The following XKRX variants were observed in gnomAD, a reference collection of about 807,000 sequenced individuals.
XKRX encodes the protein XK related X-linked, also known as XK-related protein 2.
Under a neutral mutation model 22.4 loss-of-function variants are expected in XKRX, and 11 were observed. The observed-to-expected ratio is 0.49, with a 90% CI of 0.31 to 0.81. The LOEUF is 0.81. Ranked by LOEUF, XKRX falls within the 40% of genes least tolerant of loss-of-function variation. The pLI, the probability that XKRX is intolerant of heterozygous loss-of-function variation, is 0.05. For synonymous variants in XKRX, 114 were observed against 132.2 expected (o/e 0.86, Z 0.94); for missense variants, 320 against 336.5 (o/e 0.95, Z 0.38).
intron 2 of XKRX, among the ~76,000 whole-genome samples, chrX:100,917,666 AAAGAAAGAAAAG>A (rs1277039496): frequency 4.5e-4 from 15 of 33,477 alleles, no homozygotes; most frequent in South Asian, 3.5e-3. Context: ...AGAAAGAAAG[AAAGAAAGAAAAG>A]AAAGAAAGAA....
At chrX:100,888,296 C>A in the XKRX span, 1 of 702,323 alleles carries the variant, frequency 1.4e-6, no homozygotes, top group Admixed American at 2.2e-5. Context: ...TAAGTGGGCA[C>A]CTGATCTTTG....
At chrX:100,910,995 A>T, downstream of XKRX, 2 of 561,543 alleles carry the variant, frequency 3.6e-6, no homozygotes, top group Admixed American at 4.6e-5. Context: ...AGAGAGGCAC[A>T]ATCTCGAGCT....
At chrX:100,955,604 C>T in the XKRX span, among the ~76,000 whole-genome samples, 9 of 111,273 alleles carry the variant, frequency 8.1e-5, no homozygotes, top group South Asian at 3.8e-4. Context: ...ACCTGGGAGG[C>T]GGGGGTTGCA....
chrX:100,913,141 T>A (rs1210905118), downstream of XKRX, among the ~76,000 whole-genome samples: 1 of 107,379 alleles, frequency 9.3e-6, no homozygotes, highest in Admixed American at 1.0e-4. Flanking sequence ...GAGGCTGCAG[T>A]GAGCCAAGAT....
chrX:100,901,689 G>C, the XKRX span, among the ~76,000 whole-genome samples: 1 of 112,060 alleles, frequency 8.9e-6, no homozygotes, highest in South Asian at 3.7e-4. Context: ...AAGTGCACAT[G>C]GAACATTCAT....
the XKRX span, among the ~76,000 whole-genome samples, chrX:100,891,763 A>AAAAGAAAGAAAGAAAGAAAG: frequency 3.4e-5 from 2 of 59,189 alleles, no homozygotes; most frequent in African/African-American, 1.7e-4. Flanking sequence ...AAGAAAGAAG[A>AAAAGAAAGAAAGAAAGAAAG]AAAGAAAGAA....
At chrX:100,899,195 G>T in the XKRX span, among the ~76,000 whole-genome samples, 8 of 112,835 alleles carry the variant, frequency 7.1e-5, no homozygotes, top group African/African-American at 2.6e-4. Flanking sequence ...ACTAGCGAAA[G>T]ATTTTAAATA....
the XKRX span, among the ~76,000 whole-genome samples, chrX:100,942,711 C>T: frequency 9.0e-6 from 1 of 111,447 alleles, no homozygotes; most frequent in Non-Finnish European, 1.9e-5. Flanking sequence ...ATCTCTGTGT[C>T]CAGCAGCTCC....
the XKRX span, chrX:100,888,695 G>A: frequency 3.1e-6 from 1 of 321,706 alleles, no homozygotes; most frequent in Non-Finnish European, 5.4e-6. Context: ...TTTAAATAGA[G>A]TGATCAGGGA....
chrX:100,889,354 G>C, the XKRX span, among the ~76,000 whole-genome samples: 1 of 109,771 alleles, frequency 9.1e-6, no homozygotes, highest in Admixed American at 9.8e-5. Flanking sequence ...CAATATGACT[G>C]TGTCCTTATA....
chrX:100,922,781 G>T lies in XKRX; in HGVS notation c.604+12C>A. 8.3e-7 allele frequency: 1 copy of T among 1,205,296 alleles called. No individual in the cohort carries two copies. Among genetic ancestry groups the T allele is most frequent in the Non-Finnish European group, 1.1e-6 (1 of 890,920 alleles). ...TTTAACTGGAGCCCTCCCCTCTCCT[G>T]ACCCCACTCACCTCTACCCAGGGGA... On this transcript the variant is annotated intron_variant, in intron 2 of 2. Transcript: ENST00000372956.
intron 1 of XKRX, among the ~76,000 whole-genome samples, chrX:100,927,175 C>T (rs1001101488): frequency 9.1e-6 from 1 of 109,345 alleles, no homozygotes; most frequent in South Asian, 4.0e-4. Context: ...CCCGTCTCTA[C>T]AAAAAAAATT....
chrX:100,918,026 T>C (rs1333291502), intron 2 of XKRX, among the ~76,000 whole-genome samples: 2 of 111,513 alleles, frequency 1.8e-5, no homozygotes, highest in African/African-American at 3.3e-5. Flanking sequence ...TTTCCTTTTC[T>C]TCCTTTATGT....
chrX:100,939,874 T>C, the XKRX span, among the ~76,000 whole-genome samples: 1 of 112,288 alleles, frequency 8.9e-6, no homozygotes, highest in Non-Finnish European at 1.9e-5. Flanking sequence ...TAATCACAGA[T>C]TAACACAATC....
the XKRX span, among the ~76,000 whole-genome samples, chrX:100,936,647 A>G: frequency 9.2e-6 from 1 of 108,623 alleles, no homozygotes; most frequent in African/African-American, 3.3e-5. Context: ...TGAGTGATTT[A>G]TAAAGGAAAG....
chrX:100,887,517 C>T, the XKRX span: 24 of 442,923 alleles, frequency 5.4e-5, no homozygotes, highest in African/African-American at 3.6e-4. Flanking sequence ...AATATGTCTT[C>T]TTTGTAGCAG....
the XKRX span, among the ~76,000 whole-genome samples, chrX:100,901,731 G>A: frequency 2.7e-5 from 3 of 111,945 alleles, no homozygotes; most frequent in Non-Finnish European, 3.8e-5. Flanking sequence ...TGGGCATGAC[G>A]GCTCACACCT....
chrX:100,956,996 T>C, the XKRX span: 1 of 1,082,122 alleles, frequency 9.2e-7, no homozygotes, highest in Non-Finnish European at 1.3e-6. Flanking sequence ...GAGAGGTCTT[T>C]ATGTTTTTCT....
Position 100,919,919 on chromosome X carries a change from A to C in XKRX, c.604+2874T>G, listed in dbSNP as rs1475243437. Among the ~76,000 whole-genome samples the C allele has an allele frequency of 2.7e-5, 3 of 111,883 alleles. No individual in the cohort carries two copies. The Admixed American group carries it at 2.9e-4, about 11-fold the overall frequency. On this transcript the variant is annotated intron_variant, in intron 2 of 2. Coordinates refer to ENST00000372956, the MANE Select transcript of XKRX (RefSeq NM_212559.3). ...AAATTTATCCTACAAAGTCTCATTC[A>C]TGTACACAGGTATTTATAAAGATGT...
Sources: allele counts gnomAD v4.1 joint callset (sites outside exome capture counted in the v4.1 genomes callset), GRCh38; gene constraint gnomAD v4.1.1; transcripts MANE v1.5; gene names NCBI Gene and HGNC (gene_info 2026-07-23, HGNC 2026-07-21).